The following SUSD6 variants were observed in gnomAD, a reference collection of about 807,000 sequenced individuals.
The protein encoded by SUSD6 is sushi domain-containing protein 6.
A neutral mutation model predicts 28.4 loss-of-function variants in SUSD6; 16 were observed. The ratio of observed to expected loss-of-function variants is 0.56; its 90% CI spans 0.38 to 0.86. The LOEUF is 0.86. Among genes scored for constraint, SUSD6 ranks in the 40% least tolerant of loss-of-function variants. The pLI is 0.00. For missense variants in SUSD6, 341 were observed against 384.2 expected (o/e 0.89, Z 0.94); for synonymous variants, 147 against 159.6 (o/e 0.92, Z 0.59).
intron 1 of SUSD6, among the ~76,000 whole-genome samples, chr14:69,614,110 C>T (rs566472152): frequency 3.4e-4 from 52 of 152,120 alleles, no homozygotes; most frequent in Admixed American, 1.1e-3. Flanking sequence ...CTCTGTCACC[C>T]GGGCTGGAGT....
chr14:69,640,434 A>G (rs1885335193), intron 1 of SUSD6, among the ~76,000 whole-genome samples: 1 of 152,088 alleles, frequency 6.6e-6, no homozygotes, highest in Admixed American at 6.6e-5. Flanking sequence ...CCTTGGCTCA[A>G]GTGATTTCTC....
chr14:69,621,216 A>C (rs1335119506), intron 1 of SUSD6, among the ~76,000 whole-genome samples: 1 of 152,224 alleles, frequency 6.6e-6, no homozygotes, highest in Non-Finnish European at 1.5e-5. Context: ...GTAGGGGATT[A>C]AAATAACAAG....
At chr14:69,656,239 G>A (rs1885581273) in intron 1 of SUSD6, among the ~76,000 whole-genome samples, 1 of 138,726 alleles carries the variant, frequency 7.2e-6, no homozygotes, top group Admixed American at 7.2e-5. Flanking sequence ...ACCTCCTCTA[G>A]GCAGTCTTTC....
chr14:69,707,638 T>G (rs1248990694), intron 4 of SUSD6, among the ~76,000 whole-genome samples: 1 of 152,094 alleles, frequency 6.6e-6, no homozygotes, highest in Non-Finnish European at 1.5e-5. Flanking sequence ...TCCCAGCTAC[T>G]TGGGAGGCTG....
chr14:69,646,516 G>A (rs1288544703), intron 1 of SUSD6, among the ~76,000 whole-genome samples: 1 of 152,010 alleles, frequency 6.6e-6, no homozygotes, highest in Non-Finnish European at 1.5e-5. Context: ...TAATTTGCCT[G>A]CTAGACCTTT....
intron 1 of SUSD6, among the ~76,000 whole-genome samples, chr14:69,644,681 C>T (rs937989589): frequency 6.6e-6 from 1 of 152,094 alleles, no homozygotes; most frequent in Non-Finnish European, 1.5e-5. Flanking sequence ...GACGTGTCCT[C>T]ATCTGATTTG....
chr14:69,638,924 G>A (rs1885306172), intron 1 of SUSD6, among the ~76,000 whole-genome samples: 2 of 152,110 alleles, frequency 1.3e-5, no homozygotes, highest in Non-Finnish European at 2.9e-5. Flanking sequence ...GAGCTCCTTT[G>A]GTCCAGTTTG....
intron 2 of SUSD6, among the ~76,000 whole-genome samples, chr14:69,662,961 G>A (rs1304242216): frequency 6.6e-6 from 1 of 152,202 alleles, no homozygotes; most frequent in Non-Finnish European, 1.5e-5. Context: ...GTGACCTACT[G>A]TTGAGTTACA....
intron 1 of SUSD6, among the ~76,000 whole-genome samples, chr14:69,650,826 C>A (rs1453553366): frequency 1.3e-5 from 2 of 152,014 alleles, no homozygotes; most frequent in Non-Finnish European, 2.9e-5. Context: ...TACGGATAGT[C>A]CATACAAATG....
chr14:69,650,314 G>A (rs994508462), intron 1 of SUSD6, among the ~76,000 whole-genome samples: 5 of 152,070 alleles, frequency 3.3e-5, no homozygotes, highest in Admixed American at 6.5e-5. Context: ...CATGTCTCAC[G>A]TTTGTCTTAA....
At chr14:69,655,045 G>A (rs1199254167) in intron 1 of SUSD6, among the ~76,000 whole-genome samples, 5 of 151,960 alleles carry the variant, frequency 3.3e-5, no homozygotes, top group East Asian at 1.9e-4. Context: ...CACCCGCCTC[G>A]GCCTCCCAAA....
intron 2 of SUSD6, among the ~76,000 whole-genome samples, chr14:69,694,375 A>G (rs1886193491): frequency 6.6e-6 from 1 of 152,220 alleles, no homozygotes; most frequent in Admixed American, 6.5e-5. Context: ...GAGGAAACTG[A>G]GGAATAGGAA....
At chr14:69,635,595 CCACACACACACACACA>C (rs3048696) in intron 1 of SUSD6, among the ~76,000 whole-genome samples, 22 of 143,614 alleles carry the variant, frequency 1.5e-4, no homozygotes, top group African/African-American at 4.6e-4. Flanking sequence ...CCAAGGCACA[CCACACACACACACACA>C]CACACACACA....
At chr14:69,639,073 C>T (rs985419942) in intron 1 of SUSD6, among the ~76,000 whole-genome samples, 1 of 152,126 alleles carries the variant, frequency 6.6e-6, no homozygotes, top group Non-Finnish European at 1.5e-5. Flanking sequence ...CGCCTGTAAT[C>T]CCAGCACTTT....
At chr14:69,697,084 C>T (rs1886235457) in intron 2 of SUSD6, among the ~76,000 whole-genome samples, 2 of 152,182 alleles carry the variant, frequency 1.3e-5, no homozygotes, top group Admixed American at 1.3e-4. Context: ...GAGGGTTCCT[C>T]CCCTTTTCAG....
chr14:69,641,765 A>T (rs1028189657), intron 1 of SUSD6, among the ~76,000 whole-genome samples: 20 of 150,122 alleles, frequency 1.3e-4, no homozygotes, highest in South Asian at 8.5e-4. Flanking sequence ...AATTTAAAAA[A>T]AATTTTTTTT....
intron 2 of SUSD6, among the ~76,000 whole-genome samples, chr14:69,677,546 CAAAAAA>C (rs57290539): frequency 8.7e-6 from 1 of 114,494 alleles, no homozygotes; most frequent in Non-Finnish European, 1.8e-5. Context: ...GACTCCGTCT[CAAAAAA>C]AAAAAAAAAA....
At chr14:69,639,313 C>CAAAAAAA (rs57837741) in intron 1 of SUSD6, among the ~76,000 whole-genome samples, 4 of 54,580 alleles carry the variant, frequency 7.3e-5, no homozygotes, top group East Asian at 6.8e-4. Flanking sequence ...GACTCCGTCT[C>CAAAAAAA]AAAAAAAAAA....
At chr14:69,697,617 G>A (rs1253410754) in intron 2 of SUSD6, among the ~76,000 whole-genome samples, 1 of 152,092 alleles carries the variant, frequency 6.6e-6, no homozygotes, top group Non-Finnish European at 1.5e-5. Flanking sequence ...TTGGCTACTA[G>A]AACATTTTAA....
Sources: gnomAD v4.1 joint callset for allele counts (sites outside exome capture counted in the v4.1 genomes callset) on GRCh38, gnomAD v4.1.1 for gene constraint, MANE v1.5 for transcripts, NCBI Gene and HGNC (gene_info 2026-07-23, HGNC 2026-07-21) for gene names.